Variants in GALNT15 observed in about 807,000 individuals in gnomAD.
GALNT15 encodes polypeptide N-acetylgalactosaminyltransferase 15.
Under a neutral mutation model 66.8 loss-of-function variants are expected in GALNT15, and 67 were observed. The observed-to-expected ratio is 1.00, with a 90% CI of 0.82 to 1.23. The LOEUF (loss-of-function observed/expected upper bound fraction) is 1.23, where lower values mean the gene tolerates loss of function less well. GALNT15 is among the 50% of genes most tolerant of loss of function. The pLI, the probability that GALNT15 is intolerant of heterozygous loss-of-function variation, is 0.00. For synonymous variants in GALNT15, 313 were observed against 311.5 expected (o/e 1.00, Z -0.05); for missense variants, 827 against 804.3 (o/e 1.03, Z -0.34).
At chr3:16,232,517 T>TATATATATATATATAA (rs1559698470), downstream of GALNT15, among the ~76,000 whole-genome samples, 2 of 70,360 alleles carry the variant, frequency 2.8e-5, no homozygotes, top group Admixed American at 1.3e-4. Context: ...TATATTTATT[T>TATATATATATATATAA]AAAAGAGACA....
rs1386020154 is a variant in GALNT15, at chr3:16,175,210, T to C, written c.59T>C (p.Leu20Pro). The change falls in exon 1 of 10, where the codon CTC becomes CCC. Residue 20 changes from leucine to proline, a missense_variant. Physicochemically the swap from Leu to Pro is moderately conservative, Grantham distance 98. Transcript: ENST00000339732. The surrounding 1 kb of genome is among the most constrained non-coding windows in gnomAD (Gnocchi z 5.6). ...TGCAGACTCCAGTTCCTCCTGCTGC[T>C]CCTGATGCTGGGATGCGTCCTGATG... ...RPCRLQFLLL[L>P]LMLGCVLMMV... 1 of 1,614,050 alleles carries C rather than the reference T, an allele frequency of 6.2e-7. No homozygotes were observed. The highest frequency in any genetic ancestry group is 1.3e-5 in the African/African-American group (1 of 74,912).
At chr3:16,241,301 TTTC>T in the GALNT15 span, among the ~76,000 whole-genome samples, 1 of 152,204 alleles carries the variant, frequency 6.6e-6, no homozygotes, top group Non-Finnish European at 1.5e-5. This position sits in a 1 kb window ranked among gnomAD's most constrained non-coding sequence, Gnocchi z 4.6. Context: ...TCACAGCATC[TTTC>T]TTTTGTGCCT....
rs908544101 is a variant in GALNT15 at position 16,204,195 on chromosome 3, T to C, written c.911+3372T>C. Among the ~76,000 whole-genome samples, 1 of 152,138 alleles carries C rather than the reference T, an allele frequency of 6.6e-6. No individual in the cohort carries two copies. The highest frequency in any genetic ancestry group is 1.5e-5 in the Non-Finnish European group (1 of 68,004). ...CCAGCCTTTGTTCCCTGTCCCTGCC[T>C]AGCAGGTTCCCACTAGCCATGTGGC... On this transcript the variant is annotated intron_variant, in intron 3 of 9. Coordinates refer to ENST00000339732, the MANE Select transcript of GALNT15 (RefSeq NM_054110.5). This position sits in a 1 kb window ranked among gnomAD's most constrained non-coding sequence, Gnocchi z 4.5.
chr3:16,227,173 T>A lies in GALNT15; in HGVS notation c.1774-181T>A, dbSNP rs956112806. On this transcript the variant is annotated intron_variant, in intron 9 of 9. Coordinates refer to ENST00000339732, the MANE Select transcript of GALNT15 (RefSeq NM_054110.5). The surrounding 1 kb of genome is among the most constrained non-coding windows in gnomAD (Gnocchi z 4.5). ...GTTACCCCTAAGGTTTTGAGTGACATCCAAATTTTAGGGCTACCTAATTTA... is the reference window on the plus strand; with the variant it reads ...GTTACCCCTAAGGTTTTGAGTGACAACCAAATTTTAGGGCTACCTAATTTA... 6.6e-6 allele frequency among the ~76,000 whole-genome samples: 1 copy of A among 152,220 alleles called. No homozygotes were observed. Among genetic ancestry groups the A allele is most frequent in the Non-Finnish European group, 1.5e-5 (1 of 68,030 alleles).
rs2063785851 is a variant in GALNT15 at position 16,209,020 on chromosome 3, C to A, written c.1079+350C>A. On this transcript the variant is annotated intron_variant, in intron 4 of 9. Transcript: ENST00000339732. This position sits in a 1 kb window ranked among gnomAD's most constrained non-coding sequence, Gnocchi z 4.1. ...AGTGTGTGGCAACCTGAGATGGAAT[C>A]TTGGCCCAGCTCTCTCATCAGGTAC... is the stretch of plus-strand genomic sequence containing the variant. Among the ~76,000 whole-genome samples, 1 of 152,188 alleles carries A rather than the reference C, an allele frequency of 6.6e-6. No individual in the cohort carries two copies. The highest frequency in any genetic ancestry group is 6.5e-5 in the Admixed American group (1 of 15,274).
At chr3:16,196,365 C>A (rs2124862801) in intron 2 of GALNT15, among the ~76,000 whole-genome samples, 1 of 152,288 alleles carries the variant, frequency 6.6e-6, no homozygotes, top group Admixed American at 6.5e-5. Context: ...CTCATCATGG[C>A]TTAGACAGAC....
chr3:16,207,136 T>C (rs912286709), intron 3 of GALNT15, among the ~76,000 whole-genome samples: 1 of 152,222 alleles, frequency 6.6e-6, no homozygotes, highest in African/African-American at 2.4e-5. Context: ...TTATGTCAGT[T>C]ACCTAAAGCC....
At position 16,203,534 on chromosome 3, in the gene GALNT15, C is replaced by G. The variant is rs1574983056; in HGVS notation, c.911+2711C>G. On this transcript the variant is annotated intron_variant, in intron 3 of 9. Transcript: ENST00000339732. This position sits in a 1 kb window ranked among gnomAD's most constrained non-coding sequence, Gnocchi z 6.2. Reference sequence around the variant, plus strand: ...TTGGTCACTCATTCTCTCTCTCTCTCTCTCTCTCTCACACACACACACACA... The same window carrying G: ...TTGGTCACTCATTCTCTCTCTCTCTGTCTCTCTCTCACACACACACACACA... Among the ~76,000 whole-genome samples the G allele has an allele frequency of 2.1e-5, 2 of 96,940 alleles. No homozygotes were observed. Among genetic ancestry groups the G allele is most frequent in the East Asian group, 7.8e-4 (2 of 2,550 alleles). 63.6% of individuals were successfully genotyped at this position (96,940 alleles called of 152,430 possible).
At chr3:16,185,591 CT>C (rs753075690) in intron 1 of GALNT15, among the ~76,000 whole-genome samples, 5 of 152,290 alleles carry the variant, frequency 3.3e-5, no homozygotes, top group Non-Finnish European at 7.3e-5. Flanking sequence ...AGTAAGTTGC[CT>C]TTTGAAGACC....
At chr3:16,222,946 T>G (rs568181474) in intron 9 of GALNT15, among the ~76,000 whole-genome samples, 188 bp downstream of exon 9, 1 of 152,314 alleles carries the variant, frequency 6.6e-6, no homozygotes, top group Admixed American at 6.5e-5. Flanking sequence ...GTTGGCCCAC[T>G]GGCATCTTCA....
chr3:16,241,183 T>A, the GALNT15 span, among the ~76,000 whole-genome samples: 90,792 of 151,996 alleles, frequency 0.6, 27,291 homozygotes, highest in Admixed American at 0.64. The surrounding 1 kb of genome is among the most constrained non-coding windows in gnomAD (Gnocchi z 4.6). Context: ...TGTTTCCTCC[T>A]CTGGACTTTA....
rs1213371605 is a variant in GALNT15 at position 16,224,756 on chromosome 3, C to T, written c.1773+1998C>T. Among the ~76,000 whole-genome samples, 1 of 151,830 alleles carries T rather than the reference C, an allele frequency of 6.6e-6. No individual in the cohort carries two copies. The highest frequency in any genetic ancestry group is 1.9e-4 in the East Asian group (1 of 5,174). On this transcript the variant is annotated intron_variant, in intron 9 of 9. Transcript: ENST00000339732. This position sits in a 1 kb window ranked among gnomAD's most constrained non-coding sequence, Gnocchi z 5.2. ...GGTTCAAGCGATTCTCCTGCCTCAG[C>T]CTCTTTAGTGGCTGAGATTAGAGGT...
the GALNT15 span, among the ~76,000 whole-genome samples, chr3:16,247,787 A>T: frequency 1.1e-4 from 16 of 152,192 alleles, no homozygotes; most frequent in East Asian, 1.9e-4. Context: ...GCTTCCCTCG[A>T]CCTCAGTCTG....
intron 1 of GALNT15, among the ~76,000 whole-genome samples, chr3:16,194,695 C>G (rs927407912): frequency 2.0e-5 from 3 of 152,176 alleles, no homozygotes; most frequent in Admixed American, 1.3e-4. Context: ...ATGGATGGAG[C>G]TGGAAAACAT....
chr3:16,193,826 A>G lies in GALNT15; in HGVS notation c.540-1934A>G, dbSNP rs1416594978. Among the ~76,000 whole-genome samples the G allele has an allele frequency of 3.3e-5, 5 of 152,178 alleles. No homozygotes were observed. The East Asian group carries it at 9.6e-4, about 29-fold the overall frequency. On this transcript the variant is annotated intron_variant, in intron 1 of 9. Transcript: ENST00000339732. The surrounding 1 kb of genome is among the most constrained non-coding windows in gnomAD (Gnocchi z 4.7). ...TCCCTCTGAGGAGGAACATAGTTTGAGCAGCAGCTGCAACTCAGAAAGAGG... is the reference window on the plus strand; with the variant it reads ...TCCCTCTGAGGAGGAACATAGTTTGGGCAGCAGCTGCAACTCAGAAAGAGG...
chr3:16,201,061 C>T (rs547245900), intron 3 of GALNT15, among the ~76,000 whole-genome samples: 3 of 152,232 alleles, frequency 2.0e-5, no homozygotes, highest in Non-Finnish European at 4.4e-5. Flanking sequence ...GCCTGGAGAA[C>T]AGCTTCTATG....
At chr3:16,197,296 GCTGCC>G (rs2063649046) in intron 2 of GALNT15, among the ~76,000 whole-genome samples, 1 of 152,172 alleles carries the variant, frequency 6.6e-6, no homozygotes, top group African/African-American at 2.4e-5. Context: ...AAGCAATTAA[GCTGCC>G]CCCTCCTGGC....
intron 2 of GALNT15, 89 bp downstream of exon 2, chr3:16,196,015 AT>A: frequency 1.5e-6 from 2 of 1,361,670 alleles, no homozygotes; most frequent in East Asian, 2.4e-5. Context: ...GTTTGGAACT[AT>A]TTTAGGCAAG....
rs543137678 is a variant in GALNT15 at position 16,219,112 on chromosome 3, T to G, written c.1393-291T>G. Among the ~76,000 whole-genome samples, 514 of 152,240 alleles carry G rather than the reference T, an allele frequency of 3.4e-3. 1 individual carries two copies. The highest frequency in any genetic ancestry group is 4.4e-3 in the Non-Finnish European group (302 of 68,002). ...GGTGTGAGCCACCACTCCCGGCCTA[T>G]TGTAGTCTTTATAGACTGGAGATTT... is the stretch of plus-strand genomic sequence containing the variant. On this transcript the variant is annotated intron_variant, in intron 6 of 9. Transcript: ENST00000339732. This position sits in a 1 kb window ranked among gnomAD's most constrained non-coding sequence, Gnocchi z 4.3.
Sources: gnomAD v4.1 joint callset for allele counts (sites outside exome capture counted in the v4.1 genomes callset) on GRCh38, gnomAD v4.1.1 for gene constraint, Gnocchi (gnomAD v3.1) non-coding constraint, MANE v1.5 for transcripts, NCBI Gene and HGNC (gene_info 2026-07-23, HGNC 2026-07-21) for gene names.